The following VSTM1 variants were observed in gnomAD, a reference collection of about 807,000 sequenced individuals.
VSTM1 encodes V-set and transmembrane domain containing 1.
VSTM1 carries 27 observed loss-of-function variants against 33.1 expected under a neutral mutation model. The ratio of observed to expected loss-of-function variants is 0.82; its 90% CI spans 0.60 to 1.12. The LOEUF (loss-of-function observed/expected upper bound fraction) is 1.12. Among genes scored for constraint, VSTM1 ranks in the 50% most tolerant of loss-of-function variants. The pLI is 0.00. For synonymous variants in VSTM1, 115 were observed against 110.3 expected (o/e 1.04, Z -0.27); for missense variants, 304 against 288.9 (o/e 1.05, Z -0.38).
At chr19:54,050,966 G>A (rs1434962385) in intron 4 of VSTM1, among the ~76,000 whole-genome samples, 2 of 145,026 alleles carry the variant, frequency 1.4e-5, no homozygotes, top group African/African-American at 2.6e-5. Flanking sequence ...GCCACTTCAC[G>A]CCACCCTGGG....
chr19:54,048,663 C>A (rs879972987), intron 4 of VSTM1, among the ~76,000 whole-genome samples: 4 of 152,158 alleles, frequency 2.6e-5, no homozygotes, highest in Non-Finnish European at 4.4e-5. Context: ...TATGTCCTAG[C>A]AAATCCACTT....
chr19:54,040,864 A>C lies in VSTM1; in HGVS notation c.*97T>G. 2.0e-6 allele frequency: 3 copies of C among 1,480,128 alleles called. No individual in the cohort carries two copies. The highest frequency in any genetic ancestry group is 2.7e-6 in the Non-Finnish European group (3 of 1,106,804). The allele number at this position is 1,480,128 out of a possible 1,614,324, so 91.7% of individuals were successfully genotyped here. On this transcript the variant is annotated 3_prime_UTR_variant, in exon 9 of 9. Transcript: ENST00000338372. The stretch of plus-strand genomic sequence containing the variant: ...GAGAAACTTAATTTTATTGATATGG[A>C]CGAAGAGCAAGGAAACACAGTATCT...
rs1025049632 is a variant in VSTM1 at position 54,052,211 on chromosome 19, A to G, written c.356-763T>C. ...CAGGAGATCGAGACCATCCTGGCTA[A>G]CATGGTGAAACCCCGTCTCTACTAA... On this transcript the variant is annotated intron_variant, in intron 3 of 8. Transcript: ENST00000338372. 8.0e-5 allele frequency among the ~76,000 whole-genome samples: 12 copies of G among 150,202 alleles called. No homozygotes were observed. The East Asian group carries it at 1.8e-3, about 23-fold the overall frequency.
chr19:54,053,711 A>C (rs1568469408), intron 3 of VSTM1, among the ~76,000 whole-genome samples: 1 of 141,650 alleles, frequency 7.1e-6, no homozygotes. Flanking sequence ...CTGTGCCTGG[A>C]CTCCTGACCC....
In VSTM1 at chr19:54,058,297, C is replaced by T. The variant is rs2071206950; in HGVS notation, c.355+9G>A. 1 of 1,612,690 alleles carries T rather than the reference C, an allele frequency of 6.2e-7. No individual in the cohort carries two copies. The highest frequency in any genetic ancestry group is 8.5e-7 in the Non-Finnish European group (1 of 1,179,340). On this transcript the variant is annotated intron_variant, in intron 3 of 8. Transcript: ENST00000338372. ...TGTGTGCATCAAAGAGTACATCTGC[C>T]CTTCTCACCTGTGACCACCAGCTGC...
chr19:54,054,118 G>T lies in VSTM1; in HGVS notation c.356-2670C>A, dbSNP rs2070974383. Among the ~76,000 whole-genome samples, 2 of 141,826 alleles carry T rather than the reference G, an allele frequency of 1.4e-5. 1 individual carries two copies. Among genetic ancestry groups the T allele is most frequent in the Non-Finnish European group, 3.1e-5 (2 of 64,310 alleles). The allele number at this position is 141,826 out of a possible 152,430, so 93.0% of individuals were successfully genotyped here. On this transcript the variant is annotated intron_variant, in intron 3 of 8. Transcript: ENST00000338372. ...GTAGTATAATAAAGTGATTTGCAAA[G>T]CAGCAAACAGATTGTATATGGAAGG...
intron 4 of VSTM1, among the ~76,000 whole-genome samples, chr19:54,046,745 G>A (rs113087594): frequency 8.0e-4 from 121 of 152,088 alleles, no homozygotes; most frequent in African/African-American, 2.5e-3. Flanking sequence ...TGCCACTGAC[G>A]GCTGTGGGGA....
rs2071151788 is a variant in VSTM1 at position 54,057,384 on chromosome 19, GCTT to G, written c.355+919_355+921del. On this transcript the variant is annotated intron_variant, in intron 3 of 8. Coordinates refer to ENST00000338372, the MANE Select transcript of VSTM1 (RefSeq NM_198481.4). ...TTAAAAATTAGCCAGGCATGGTGGT[GCTT>G]GCCTGTACTCCCAGCTACTTGGGAG... Among the ~76,000 whole-genome samples, 2 of 149,362 alleles carry G rather than the reference GCTT, an allele frequency of 1.3e-5. 1 individual carries two copies. The highest frequency in any genetic ancestry group is 3.0e-5 in the Non-Finnish European group (2 of 67,320).
intron 4 of VSTM1, among the ~76,000 whole-genome samples, chr19:54,044,344 A>C (rs1447016707): frequency 6.6e-6 from 1 of 152,146 alleles, no homozygotes; most frequent in Non-Finnish European, 1.5e-5. Context: ...GGATCACTTG[A>C]GGTCTGGAGT....
intron 4 of VSTM1, among the ~76,000 whole-genome samples, chr19:54,047,218 A>T (rs2070636706): frequency 6.6e-6 from 1 of 152,078 alleles, no homozygotes; most frequent in Admixed American, 6.6e-5. Flanking sequence ...ATAATAAATA[A>T]AATAAAACGT....
chr19:54,045,633 C>T (rs1298165296), intron 4 of VSTM1, among the ~76,000 whole-genome samples: 1 of 152,086 alleles, frequency 6.6e-6, no homozygotes, highest in Non-Finnish European at 1.5e-5. Context: ...TATCATCTAT[C>T]ATCTGTATGT....
intron 4 of VSTM1, among the ~76,000 whole-genome samples, chr19:54,044,634 C>A (rs1600112960): frequency 1.3e-5 from 2 of 152,266 alleles, no homozygotes; most frequent in South Asian, 2.1e-4. Flanking sequence ...AAAACTAGTT[C>A]TTGAGCAATA....
chr19:54,047,177 A>G (rs1183150427), intron 4 of VSTM1, among the ~76,000 whole-genome samples: 2 of 152,156 alleles, frequency 1.3e-5, no homozygotes, highest in Non-Finnish European at 2.9e-5. Flanking sequence ...CCTGGGCAAC[A>G]AGAGCGAAAC....
intron 3 of VSTM1, among the ~76,000 whole-genome samples, chr19:54,052,148 C>T (rs1050852833): frequency 6.6e-6 from 1 of 152,126 alleles, no homozygotes; most frequent in East Asian, 2.0e-4. Context: ...CCTGTAATCC[C>T]AGCACTTTGG....
chr19:54,043,638 C>T (rs1170869709), intron 4 of VSTM1, among the ~76,000 whole-genome samples: 1 of 152,132 alleles, frequency 6.6e-6, no homozygotes, highest in East Asian at 1.9e-4. Flanking sequence ...TCTTGAACTA[C>T]TGACCTCAGG....
chr19:54,052,261 G>A (rs1196515253), intron 3 of VSTM1, among the ~76,000 whole-genome samples: 3 of 150,090 alleles, frequency 2.0e-5, no homozygotes, highest in Non-Finnish European at 4.4e-5. Context: ...AGCCGAGCGT[G>A]GTGGCGGGCC....
At chr19:54,051,927 A>AT (rs780286361) in intron 3 of VSTM1, among the ~76,000 whole-genome samples, 1 of 151,832 alleles carries the variant, frequency 6.6e-6, no homozygotes, top group Non-Finnish European at 1.5e-5. Context: ...CACCCTGCTA[A>AT]TTTTTGTATT....
At chr19:54,059,908 C>T (rs556432783) in intron 1 of VSTM1, among the ~76,000 whole-genome samples, 106 of 150,210 alleles carry the variant, frequency 7.1e-4, no homozygotes, top group African/African-American at 2.4e-3. Context: ...AGTGCAGTGG[C>T]GCGATCTCGG....
intron 1 of VSTM1, among the ~76,000 whole-genome samples, chr19:54,060,909 T>G (rs1242796986): frequency 6.6e-6 from 1 of 152,002 alleles, no homozygotes; most frequent in Non-Finnish European, 1.5e-5. Flanking sequence ...CAGGCTGGTC[T>G]CGAACACCTG....
Sources: gnomAD v4.1 joint callset for allele counts (sites outside exome capture counted in the v4.1 genomes callset) on GRCh38, gnomAD v4.1.1 for gene constraint, MANE v1.5 for transcripts, NCBI Gene and HGNC (gene_info 2026-07-23, HGNC 2026-07-21) for gene names.